Variants in SGMS2 observed in about 807,000 individuals in gnomAD.
The protein encoded by SGMS2 is sphingomyelin synthase 2.
SGMS2 carries 21 observed loss-of-function variants against 43.8 expected under a neutral mutation model. The observed-to-expected ratio is 0.48, with a 90% CI of 0.34 to 0.69. The LOEUF is 0.69. SGMS2 is among the 30% of genes least tolerant of loss of function. The pLI is 0.01. For missense variants in SGMS2, 384 were observed against 443.2 expected (o/e 0.87, Z 1.20); for synonymous variants, 167 against 160.6 (o/e 1.04, Z -0.30).
chr4:107,836,916 T>C (rs1726218502), intron 1 of SGMS2, among the ~76,000 whole-genome samples: 1 of 152,114 alleles, frequency 6.6e-6, no homozygotes, highest in Non-Finnish European at 1.5e-5. Context: ...AATAACTCAG[T>C]GCAGATGAAA....
At chr4:107,889,910 C>T (rs544387633) in intron 2 of SGMS2, among the ~76,000 whole-genome samples, 3 of 152,168 alleles carry the variant, frequency 2.0e-5, no homozygotes, top group Non-Finnish European at 4.4e-5. Flanking sequence ...TATTTAGAGA[C>T]TACCTATCTT....
intron 2 of SGMS2, among the ~76,000 whole-genome samples, chr4:107,862,361 T>G (rs1727784306): frequency 6.6e-6 from 1 of 152,204 alleles, no homozygotes; most frequent in Non-Finnish European, 1.5e-5. Flanking sequence ...AGGGTGAACC[T>G]CCTTGATTCC....
chr4:107,895,107 AAAAAG>A (rs930309411), intron 2 of SGMS2, among the ~76,000 whole-genome samples, 198 bp from the exon 3 acceptor site: 3 of 152,226 alleles, frequency 2.0e-5, no homozygotes, highest in Non-Finnish European at 2.9e-5. Context: ...ATACTAGCTC[AAAAAG>A]AGACAAGAAT....
chr4:107,825,088 G>T lies in SGMS2; in HGVS notation c.-492G>T, dbSNP rs1305210458. The stretch of plus-strand genomic sequence containing the variant: ...GCTTCCCCTAGTCAGGCCGCGGCGT[G>T]GGAGGGCGAGACCCCGAGCAAACTT... On this transcript the variant is annotated 5_prime_UTR_variant, in exon 1 of 7. Coordinates refer to ENST00000690982, the MANE Select transcript of SGMS2 (RefSeq NM_001375905.1). The T allele has an allele frequency of 6.6e-6, 1 of 152,246 alleles. No homozygotes were observed. The highest frequency in any genetic ancestry group is 1.9e-4 in the East Asian group (1 of 5,152). The allele number at this position is 152,246 out of a possible 1,614,324, so 9.4% of individuals were successfully genotyped here.
In SGMS2 at chr4:107,910,386, C is replaced by G; in HGVS notation, c.931C>G (p.Arg311Gly). The G allele has an allele frequency of 6.2e-7, 1 of 1,614,046 alleles. No homozygotes were observed. Among genetic ancestry groups the G allele is most frequent in the Non-Finnish European group, 8.5e-7 (1 of 1,179,972 alleles). The change falls in exon 7 of 7, where the codon CGA (arginine) becomes GGA (glycine). Residue 311 changes from arginine (R) to glycine (G), a missense_variant. Transcript: ENST00000690982. ...KVSSQTNFLS[R>G]AWWFPIFYFF... is the part of the protein sequence containing the mutation. The stretch of plus-strand genomic sequence containing the variant: ...CTCTTCACAGACTAATTTCTTATCT[C>G]GAGCATGGTGGTTCCCCATCTTTTA...
At chr4:107,879,711 C>A (rs146413537) in intron 2 of SGMS2, among the ~76,000 whole-genome samples, 2 of 152,220 alleles carry the variant, frequency 1.3e-5, no homozygotes, top group East Asian at 1.9e-4. Flanking sequence ...ATCCACCTGC[C>A]TCAGCTTCCC....
intron 5 of SGMS2, 57 bp downstream of exon 5, chr4:107,903,443 C>A: frequency 6.5e-7 from 1 of 1,550,040 alleles, no homozygotes; most frequent in South Asian, 1.1e-5. Context: ...GATCCCTGGG[C>A]CCTGAAATTG....
At chr4:107,880,973 A>G (rs1020468300) in intron 2 of SGMS2, among the ~76,000 whole-genome samples, 1 of 152,164 alleles carries the variant, frequency 6.6e-6, no homozygotes, top group Non-Finnish European at 1.5e-5. Flanking sequence ...TTAACATAAA[A>G]TTATATACCC....
chr4:107,863,800 A>G (rs548464869), intron 2 of SGMS2: 1 of 152,366 alleles, frequency 6.6e-6, no homozygotes, highest in Non-Finnish European at 1.5e-5. Flanking sequence ...AAGTCAGATG[A>G]AATGTTTGGG....
intron 6 of SGMS2, among the ~76,000 whole-genome samples, chr4:107,909,368 C>T (rs1166769549): frequency 1.3e-5 from 2 of 152,152 alleles, no homozygotes. Context: ...ACCTCGGCCT[C>T]CCAAAGTGCC....
intron 4 of SGMS2, 135 bp downstream of exon 4, chr4:107,899,827 A>T (rs1730973678): frequency 1.9e-6 from 1 of 514,154 alleles, no homozygotes; most frequent in Non-Finnish European, 3.4e-6. Context: ...TTCTATTTAG[A>T]TTTGAGGGGA....
chr4:107,892,865 T>C (rs1282046779), intron 2 of SGMS2, among the ~76,000 whole-genome samples: 2 of 152,154 alleles, frequency 1.3e-5, no homozygotes, highest in Non-Finnish European at 2.9e-5. Context: ...ACTTTTTCCT[T>C]TAGCTGAGTG....
At chr4:107,877,373 AAAT>A (rs1167620042) in intron 2 of SGMS2, among the ~76,000 whole-genome samples, 1 of 152,204 alleles carries the variant, frequency 6.6e-6, no homozygotes, top group Non-Finnish European at 1.5e-5. Flanking sequence ...GTTACAGAGT[AAAT>A]TAAACCCTGA....
intron 1 of SGMS2, among the ~76,000 whole-genome samples, chr4:107,848,979 CT>C (rs1207706936): frequency 6.6e-6 from 1 of 152,048 alleles, no homozygotes; most frequent in East Asian, 1.9e-4. Context: ...CCTAAGGTCA[CT>C]TAGATTTTCT....
intron 1 of SGMS2, among the ~76,000 whole-genome samples, chr4:107,853,089 C>T (rs7668297): frequency 0.4 from 61,409 of 151,658 alleles, 12,949 homozygotes; most frequent in Non-Finnish European, 0.46. Flanking sequence ...TTCTTGTCAT[C>T]GCTCATGACT....
intron 1 of SGMS2, among the ~76,000 whole-genome samples, chr4:107,830,637 G>A (rs974699963): frequency 6.6e-6 from 1 of 152,136 alleles, no homozygotes; most frequent in Non-Finnish European, 1.5e-5. Context: ...TAATGATGTT[G>A]AGCATTGTTT....
intron 2 of SGMS2, among the ~76,000 whole-genome samples, chr4:107,871,925 G>A (rs60839764): frequency 0.4 from 60,913 of 151,588 alleles, 12,884 homozygotes; most frequent in Non-Finnish European, 0.47. Flanking sequence ...CCTAATATGC[G>A]TTAAACACTT....
intron 1 of SGMS2, among the ~76,000 whole-genome samples, chr4:107,855,867 T>C (rs997764305): frequency 6.6e-6 from 1 of 152,198 alleles, no homozygotes; most frequent in Non-Finnish European, 1.5e-5. Flanking sequence ...TTTGATTCTT[T>C]TAAGGACCTT....
intron 2 of SGMS2, among the ~76,000 whole-genome samples, chr4:107,883,753 G>A (rs12501215): frequency 0.34 from 52,041 of 151,840 alleles, 9,685 homozygotes; most frequent in East Asian, 0.7. Flanking sequence ...AATATGTTTT[G>A]TACATCTAAT....
Sources: gnomAD v4.1 joint callset for allele counts (sites outside exome capture counted in the v4.1 genomes callset) on GRCh38, gnomAD v4.1.1 for gene constraint, MANE v1.5 for transcripts, NCBI Gene and HGNC (gene_info 2026-07-23, HGNC 2026-07-21) for gene names.